Variants in EPAS1 observed in about 807,000 individuals in gnomAD.
EPAS1 encodes endothelial PAS domain protein 1.
EPAS1 carries 23 observed loss-of-function variants against 87.9 expected under a neutral mutation model. The ratio of observed to expected loss-of-function variants is 0.26; its 90% CI spans 0.19 to 0.37. The LOEUF is 0.37. EPAS1 is among the 10% of genes least tolerant of loss of function. The probability of loss-of-function intolerance (pLI) is 1.00; values close to 1 mark genes in which losing one functional copy is unlikely to be tolerated. For missense variants in EPAS1, 1,138 were observed against 1,120.7 expected, an observed-to-expected ratio of 1.02 and a Z score of -0.22; for synonymous variants, 508 against 444.3, an observed-to-expected ratio of 1.14 and a Z score of -1.80.
Position 46,308,465 on chromosome 2 carries a change from G to C in EPAS1, c.26+10528G>C, listed in dbSNP as rs1336858291. Among the ~76,000 whole-genome samples, 11 of 142,884 alleles carry C rather than the reference G, an allele frequency of 7.7e-5. 1 individual carries two copies. The highest frequency in any genetic ancestry group is 2.5e-4 in the African/African-American group (10 of 39,294). The allele number at this position is 142,884 out of a possible 152,430, so 93.7% of individuals were successfully genotyped here. A position where few individuals can be genotyped will look rare whatever the true frequency, so the allele number is the denominator to read the frequency against. On this transcript the variant is annotated intron_variant, in intron 1 of 15. Coordinates refer to ENST00000263734, the MANE Select transcript of EPAS1 (RefSeq NM_001430.5). ...ATACCTTGCTTGCTTTTTTTTGGGG[G>C]GGGGGGCTCTGAAATCATGCTTAGT...
chr2:46,369,914 G>T lies in EPAS1; in HGVS notation c.867G>T (p.Met289Ile). 2 of 1,611,274 alleles carry T rather than the reference G, an allele frequency of 1.2e-6. No individual in the cohort carries two copies. The highest frequency in any genetic ancestry group is 2.2e-5 in the South Asian group (2 of 90,290). Reference sequence around the variant, plus strand: ...ACCATGCGCTAGACTCCGAGAACATGACCAAGAGTCACCAGAACTGTGAGT... The same window carrying T: ...ACCATGCGCTAGACTCCGAGAACATTACCAAGAGTCACCAGAACTGTGAGT... ...EFYHALDSENMTKSHQNLCTK... is the reference protein window; with the variant it reads ...EFYHALDSENITKSHQNLCTK... Residue 289 changes from methionine (M) to isoleucine (I), a missense_variant, in exon 7 of 16, where the codon ATG (methionine) becomes ATT (isoleucine). By Grantham distance (10) the Met-to-Ile change is conservative. Around this residue, in one of 4 missense-constraint regions of EPAS1, gnomAD observed 351 missense variants for 417.1 expected, o/e 0.84. Transcript: ENST00000263734.
chr2:46,340,355 T>G (rs558689833), intron 1 of EPAS1, among the ~76,000 whole-genome samples: 2 of 152,244 alleles, frequency 1.3e-5, no homozygotes, highest in South Asian at 4.1e-4. Flanking sequence ...ACACAGACCG[T>G]TAGAGTAGGT....
intron 4 of EPAS1, among the ~76,000 whole-genome samples, chr2:46,358,469 T>A (rs1225851510): frequency 2.6e-5 from 4 of 152,204 alleles, no homozygotes; most frequent in African/African-American, 7.2e-5. Context: ...AAGACTGATT[T>A]CTTCTGTACT....
At chr2:46,332,603 G>T (rs367862822) in intron 1 of EPAS1, among the ~76,000 whole-genome samples, 6 of 152,264 alleles carry the variant, frequency 3.9e-5, no homozygotes, top group Admixed American at 1.3e-4. Context: ...CAAAGTGTGG[G>T]CTGTTCTTTA....
intron 1 of EPAS1, among the ~76,000 whole-genome samples, chr2:46,321,244 A>G (rs1683449903): frequency 6.6e-6 from 1 of 152,344 alleles, no homozygotes; most frequent in South Asian, 2.1e-4. Flanking sequence ...ATAATATCCT[A>G]TTGTGTGTAG....
intron 2 of EPAS1, among the ~76,000 whole-genome samples, chr2:46,349,464 C>T (rs1684103094): frequency 6.6e-6 from 1 of 152,214 alleles, no homozygotes. Flanking sequence ...TGGGACATCC[C>T]ATATCTATCC....
At chr2:46,359,257 C>CAAAA (rs57351888) in intron 4 of EPAS1, among the ~76,000 whole-genome samples, 865 of 25,078 alleles carry the variant, frequency 0.034, 126 homozygotes, top group African/African-American at 0.062. Context: ...GATTCTGTCT[C>CAAAA]AAAAAAAAAA....
chr2:46,312,172 T>C (rs992228399), intron 1 of EPAS1, among the ~76,000 whole-genome samples: 2 of 152,220 alleles, frequency 1.3e-5, no homozygotes, highest in Admixed American at 1.3e-4. Context: ...GGGTTCTGTG[T>C]TTCTTGGCTT....
At chr2:46,362,385 C>G (rs1684411648) in intron 6 of EPAS1, among the ~76,000 whole-genome samples, 1 of 152,222 alleles carries the variant, frequency 6.6e-6, no homozygotes, top group Non-Finnish European at 1.5e-5. Context: ...TTGCTTATAT[C>G]TTACTTCCTG....
rs904338242 is a variant in EPAS1 at position 46,375,897 on chromosome 2, C to T, written c.1034+60C>T. 1.9e-6 allele frequency: 3 copies of T among 1,610,872 alleles called. No individual in the cohort carries two copies. The highest frequency in any genetic ancestry group is 1.7e-5 in the Admixed American group (1 of 59,988). ...GGTATGTGGGGGTGCCCAAGCTTCC[C>T]AGACTCAGGATGACAGGCCTAGGAG... On this transcript the variant is annotated intron_variant, in intron 8 of 15. Transcript: ENST00000263734. The surrounding 1 kb of genome is among the most constrained non-coding windows in gnomAD (Gnocchi z 4.1).
At chr2:46,362,959 G>T (rs899673519) in intron 6 of EPAS1, among the ~76,000 whole-genome samples, 6 of 90,604 alleles carry the variant, frequency 6.6e-5, no homozygotes, top group South Asian at 3.8e-4. Flanking sequence ...TGTTAGTGGT[G>T]GTGGTGGTGG....
intron 1 of EPAS1, among the ~76,000 whole-genome samples, chr2:46,309,805 C>T (rs1446497672): frequency 1.3e-5 from 2 of 152,118 alleles, no homozygotes; most frequent in African/African-American, 4.8e-5. Flanking sequence ...AGGGGCAGGC[C>T]TTCCTGAGTC....
chr2:46,327,189 G>A (rs1006271619), intron 1 of EPAS1, among the ~76,000 whole-genome samples: 11 of 152,116 alleles, frequency 7.2e-5, no homozygotes, highest in Non-Finnish European at 7.3e-5. Flanking sequence ...CTAAAGTGCC[G>A]TGATTTCATG....
At chr2:46,303,493 A>G (rs1169067158) in intron 1 of EPAS1, among the ~76,000 whole-genome samples, 2 of 152,202 alleles carry the variant, frequency 1.3e-5, no homozygotes, top group African/African-American at 4.8e-5. Context: ...GGGTGGGGAC[A>G]TGGAAAGGGA....
Position 46,380,252 on chromosome 2 carries a change from A to C in EPAS1, c.1580A>C (p.Glu527Ala). The C allele has an allele frequency of 6.2e-7, 1 of 1,613,044 alleles. No homozygotes were observed. Among genetic ancestry groups the C allele is most frequent in the Non-Finnish European group, 8.5e-7 (1 of 1,179,990 alleles). ...ACGGATTTCAATGAGCTGGACTTGG[A>C]GACACTGGCACCCTATATCCCCATG... ...TQTDFNELDL[E>A]TLAPYIPMDG... Residue 527 changes from glutamate to alanine, a missense_variant, in exon 12 of 16, where the codon GAG (glutamate) becomes GCG (alanine). This residue lies in a region of EPAS1 where 284 missense variants were observed against 258.4 expected (regional missense o/e 1.10). Coordinates refer to ENST00000263734, the MANE Select transcript of EPAS1 (RefSeq NM_001430.5). This position sits in a 1 kb window ranked among gnomAD's most constrained non-coding sequence, Gnocchi z 4.4.
At chr2:46,306,465 G>GGT (rs1392316825) in intron 1 of EPAS1, among the ~76,000 whole-genome samples, 1 of 152,176 alleles carries the variant, frequency 6.6e-6, no homozygotes, top group Non-Finnish European at 1.5e-5. Context: ...CCAGTTACAA[G>GGT]GTAATGAGCC....
chr2:46,334,491 C>A (rs1263388149), intron 1 of EPAS1, among the ~76,000 whole-genome samples: 1 of 152,166 alleles, frequency 6.6e-6, no homozygotes, highest in Non-Finnish European at 1.5e-5. Flanking sequence ...TCCTGCTCTT[C>A]TTTCAAAGCC....
rs373868491 is a variant in EPAS1 at position 46,346,222 on chromosome 2, G to A, written c.27-651G>A. Reference sequence around the variant, plus strand: ...ACAGCCTGGCAACCTATGCTGGCAGGGCTTAGAGAGAAAATGTTTGTGCCC... The same window carrying A: ...ACAGCCTGGCAACCTATGCTGGCAGAGCTTAGAGAGAAAATGTTTGTGCCC... On this transcript the variant is annotated intron_variant, in intron 1 of 15. Transcript: ENST00000263734. The surrounding 1 kb of genome is among the most constrained non-coding windows in gnomAD (Gnocchi z 4.0). Among the ~76,000 whole-genome samples the A allele has an allele frequency of 4.6e-5, 7 of 152,282 alleles. No homozygotes were observed. The East Asian group carries it at 5.8e-4, about 13-fold the overall frequency.
In EPAS1 at chr2:46,380,154, G is replaced by A; in HGVS notation, c.1555-73G>A. ...GTGCTTGAGATGAATGGCTCTGCAG[G>A]AGCTGAGTTGGAATAGTGTTTGTGA... On this transcript the variant is annotated intron_variant, in intron 11 of 15. Coordinates refer to ENST00000263734, the MANE Select transcript of EPAS1 (RefSeq NM_001430.5). This position sits in a 1 kb window ranked among gnomAD's most constrained non-coding sequence, Gnocchi z 4.4. The A allele has an allele frequency of 6.3e-7, 1 of 1,598,206 alleles. No homozygotes were observed. The highest frequency in any genetic ancestry group is 1.1e-5 in the South Asian group (1 of 91,022).
Sources: allele counts gnomAD v4.1 joint callset (sites outside exome capture counted in the v4.1 genomes callset), GRCh38; gene constraint gnomAD v4.1.1; regional missense constraint gnomAD v4.1.1; non-coding constraint Gnocchi (gnomAD v3.1); transcripts MANE v1.5; gene names NCBI Gene and HGNC (gene_info 2026-07-23, HGNC 2026-07-21).